Variants in SMG7 observed in about 807,000 individuals in gnomAD.
SMG7 encodes the protein SMG7 nonsense mediated mRNA decay factor, also known as nonsense-mediated mRNA decay factor SMG7.
A neutral mutation model predicts 148.2 loss-of-function variants in SMG7; 34 were observed. The observed-to-expected ratio is 0.23, with a 90% CI of 0.17 to 0.31. The LOEUF is 0.31. SMG7 is among the 10% of genes least tolerant of loss of function. The pLI is 1.00. For missense variants in SMG7, 1,114 were observed against 1,408.4 expected (o/e 0.79, Z 3.35); for synonymous variants, 492 against 515.1 (o/e 0.96, Z 0.61).
At chr1:183,525,055 T>TAATATTTGAATGACGATATTTGTAAGTA (rs1665562681) in intron 4 of SMG7, among the ~76,000 whole-genome samples, 1 of 152,224 alleles carries the variant, frequency 6.6e-6, no homozygotes, top group Admixed American at 6.5e-5. Flanking sequence ...ATGAATATAA[T>TAATATTTGAATGACGATATTTGTAAGTA]AATATTTGAA....
At chr1:183,539,628 G>C (rs1271830793) in intron 12 of SMG7, among the ~76,000 whole-genome samples, 2 of 152,142 alleles carry the variant, frequency 1.3e-5, no homozygotes, top group East Asian at 1.9e-4. Context: ...TATATTTTCC[G>C]ATTTGGTCAG....
intron 1 of SMG7, among the ~76,000 whole-genome samples, chr1:183,508,391 C>T (rs1661415597): frequency 6.6e-6 from 1 of 152,082 alleles, no homozygotes; most frequent in South Asian, 2.1e-4. Context: ...TGAAGTCTTC[C>T]TCTGGTGTCC....
intron 1 of SMG7, among the ~76,000 whole-genome samples, chr1:183,476,929 A>G (rs953940069): frequency 2.6e-5 from 4 of 152,146 alleles, no homozygotes; most frequent in Non-Finnish European, 5.9e-5. Context: ...GGTGTATTGA[A>G]TACAATTCAT....
In SMG7 at chr1:183,542,947, G is replaced by A. The variant is rs1307146062; in HGVS notation, c.1842+445G>A. On this transcript the variant is annotated intron_variant, in intron 14 of 22. Coordinates refer to ENST00000688051, the MANE Select transcript of SMG7 (RefSeq NM_001375584.1). ...TATATATGTGTGTGTGTGTGTGTGT[G>A]TGTGTGTGTGTGTGTGTGTGTGTAT... is the stretch of plus-strand genomic sequence containing the variant. Among the ~76,000 whole-genome samples, 38 of 150,324 alleles carry A rather than the reference G, an allele frequency of 2.5e-4. 1 individual carries two copies. Among genetic ancestry groups the A allele is most frequent in the Admixed American group, 2.3e-3 (34 of 15,074 alleles).
At chr1:183,489,866 TGA>T (rs1163184067) in intron 1 of SMG7, among the ~76,000 whole-genome samples, 1 of 152,210 alleles carries the variant, frequency 6.6e-6, no homozygotes, top group Non-Finnish European at 1.5e-5. Context: ...TAGGAAAGAC[TGA>T]GCAGAAAAGT....
intron 1 of SMG7, among the ~76,000 whole-genome samples, chr1:183,489,656 A>G (rs528094653): frequency 1.3e-5 from 2 of 152,328 alleles, no homozygotes; most frequent in African/African-American, 4.8e-5. Context: ...TATTGTCTTC[A>G]ATAATGGTGA....
At chr1:183,491,323 A>G (rs936723923) in intron 1 of SMG7, among the ~76,000 whole-genome samples, 3 of 152,182 alleles carry the variant, frequency 2.0e-5, no homozygotes, top group South Asian at 2.1e-4. Context: ...TTTTGTGTGA[A>G]TATATAATTT....
chr1:183,498,362 C>A (rs1469314139), intron 1 of SMG7, among the ~76,000 whole-genome samples: 1 of 152,138 alleles, frequency 6.6e-6, no homozygotes, highest in Non-Finnish European at 1.5e-5. Flanking sequence ...AACTCTGTCT[C>A]TACTGCAGAT....
At chr1:183,478,873 G>A (rs1557939350) in intron 1 of SMG7, among the ~76,000 whole-genome samples, 1 of 152,148 alleles carries the variant, frequency 6.6e-6, no homozygotes, top group Non-Finnish European at 1.5e-5. Context: ...TCATCTGTTT[G>A]TAGGTATATT....
chr1:183,546,534 G>A (rs544729176), intron 17 of SMG7, among the ~76,000 whole-genome samples, 197 bp downstream of exon 17: 26 of 152,292 alleles, frequency 1.7e-4, no homozygotes, highest in African/African-American at 5.1e-4. Flanking sequence ...GAAGAATTCC[G>A]TAACTGATTT....
At chr1:183,548,769 A>G (rs1182241366) in intron 18 of SMG7, among the ~76,000 whole-genome samples, 1 of 152,246 alleles carries the variant, frequency 6.6e-6, no homozygotes, top group Non-Finnish European at 1.5e-5. Flanking sequence ...GCATATTAAC[A>G]AAGCCATTTG....
intron 1 of SMG7, among the ~76,000 whole-genome samples, chr1:183,477,713 T>C (rs1437401450): frequency 1.3e-5 from 2 of 149,916 alleles, no homozygotes; most frequent in African/African-American, 5.1e-5. Context: ...CATATATACG[T>C]GTGTGCATGT....
chr1:183,504,226 T>TA (rs1001730029), intron 1 of SMG7, among the ~76,000 whole-genome samples: 105 of 151,716 alleles, frequency 6.9e-4, no homozygotes, highest in African/African-American at 2.3e-3. Flanking sequence ...CTATTTAGAG[T>TA]AAAAAAAAAT....
Position 183,553,345 on chromosome 1 carries a change from C to A in SMG7, c.*1414C>A. On this transcript the variant is annotated 3_prime_UTR_variant, in exon 23 of 23. Transcript: ENST00000688051. ...TGGAAACAATCTAATTGTTCAATTGCTGTGCTAGTGGTAGGGTTTATTTTC... is the reference window on the plus strand; with the variant it reads ...TGGAAACAATCTAATTGTTCAATTGATGTGCTAGTGGTAGGGTTTATTTTC... 1 of 894,940 alleles carries A rather than the reference C, an allele frequency of 1.1e-6. No homozygotes were observed. Among genetic ancestry groups the A allele is most frequent in the Non-Finnish European group, 1.7e-6 (1 of 605,156 alleles). The allele number at this position is 894,940 out of a possible 1,614,324, so 55.4% of individuals were successfully genotyped here.
chr1:183,502,263 A>G, intron 1 of SMG7: 1 of 1,528,942 alleles, frequency 6.5e-7, no homozygotes, highest in Non-Finnish European at 8.8e-7. Flanking sequence ...AATGTCTTAA[A>G]CCATTCTACC....
intron 12 of SMG7, 95 bp downstream of exon 12, chr1:183,538,535 G>A (rs1572053943): frequency 4.8e-6 from 4 of 836,616 alleles, no homozygotes; most frequent in Admixed American, 3.9e-5. Flanking sequence ...CCTTTGATCT[G>A]TCCCAGCTGT....
chr1:183,473,721 G>C, intron 1 of SMG7: 2 of 985,068 alleles, frequency 2.0e-6, no homozygotes, highest in Non-Finnish European at 2.4e-6. Context: ...TGTCTTTCAG[G>C]AGCAGAACTA....
intron 4 of SMG7, among the ~76,000 whole-genome samples, chr1:183,522,600 T>C (rs1017694867): frequency 2.0e-5 from 3 of 152,120 alleles, no homozygotes; most frequent in African/African-American, 7.2e-5. Flanking sequence ...ATATAACTTG[T>C]GGTTTTTTCT....
intron 3 of SMG7, among the ~76,000 whole-genome samples, chr1:183,516,798 A>G (rs1428868713): frequency 9.8e-5 from 15 of 152,340 alleles, no homozygotes; most frequent in Non-Finnish European, 4.4e-5. Flanking sequence ...AGAGTCAAGG[A>G]TAAGATGTCA....
Sources: allele counts gnomAD v4.1 joint callset (sites outside exome capture counted in the v4.1 genomes callset), GRCh38; gene constraint gnomAD v4.1.1; transcripts MANE v1.5; gene names NCBI Gene and HGNC (gene_info 2026-07-23, HGNC 2026-07-21).